AOPEP: variants seen among roughly 807,000 people sequenced by gnomAD.
AOPEP encodes aminopeptidase O.
AOPEP carries 77 observed loss-of-function variants against 98.1 expected under a neutral mutation model. The ratio of observed to expected loss-of-function variants is 0.78; its 90% CI spans 0.65 to 0.95. AOPEP has a LOEUF of 0.95. Ranked by LOEUF, AOPEP falls within the 40% of genes least tolerant of loss-of-function variation. AOPEP has a pLI of 0.00. For synonymous variants in AOPEP, 346 were observed against 365.3 expected, an observed-to-expected ratio of 0.95 and a Z score of 0.60; for missense variants, 1,024 against 1,024.7, an observed-to-expected ratio of 1.00 and a Z score of 0.01.
intron 11 of AOPEP, among the ~76,000 whole-genome samples, chr9:95,004,686 C>T (rs1180155730): frequency 6.7e-6 from 1 of 149,336 alleles, no homozygotes; most frequent in East Asian, 2.0e-4. Context: ...GCCGGGAAGC[C>T]GCTCGCAGGG....
the AOPEP span, chr9:95,101,695 C>T: frequency 1.2e-6 from 2 of 1,613,380 alleles, no homozygotes; most frequent in East Asian, 2.2e-5. Flanking sequence ...ACCCACACGG[C>T]CTGCGTGCCT....
intron 5 of AOPEP, among the ~76,000 whole-genome samples, chr9:94,917,048 C>T (rs1019875550): frequency 2.0e-5 from 3 of 151,658 alleles, no homozygotes; most frequent in Admixed American, 6.6e-5. Context: ...TGACCATAAC[C>T]GGCAGAACCT....
chr9:95,146,093 G>A, the AOPEP span, among the ~76,000 whole-genome samples: 1 of 152,150 alleles, frequency 6.6e-6, no homozygotes, highest in Non-Finnish European at 1.5e-5. Flanking sequence ...ATTTTAAGAT[G>A]TAATAATGGT....
chr9:94,933,501 A>C, intron 7 of AOPEP: 1 of 985,396 alleles, frequency 1.0e-6, no homozygotes, highest in African/African-American at 1.7e-5. Context: ...TGGAACTCTT[A>C]ATCTTAGCTG....
chr9:95,088,981 G>A (rs2070827856), downstream of AOPEP, among the ~76,000 whole-genome samples: 1 of 152,232 alleles, frequency 6.6e-6, no homozygotes, highest in African/African-American at 2.4e-5. Flanking sequence ...GCCCGTGCTG[G>A]GGCTGCCCCT....
intron 5 of AOPEP, among the ~76,000 whole-genome samples, chr9:94,834,444 AATT>A (rs1290287944): frequency 2.0e-5 from 3 of 152,152 alleles, no homozygotes; most frequent in African/African-American, 2.4e-5. Context: ...GATATTAAGG[AATT>A]ATTATATTAT....
intron 13 of AOPEP, among the ~76,000 whole-genome samples, chr9:95,043,541 G>T (rs1337235953): frequency 1.3e-5 from 2 of 152,140 alleles, no homozygotes; most frequent in Non-Finnish European, 2.9e-5. Context: ...GCTTTGTCTT[G>T]TGAAATTTTT....
At chr9:95,062,836 C>T (rs1224758554) in intron 14 of AOPEP, among the ~76,000 whole-genome samples, 1 of 152,156 alleles carries the variant, frequency 6.6e-6, no homozygotes, top group Admixed American at 6.5e-5. Context: ...GCCTGCATCA[C>T]GTGATGTGAA....
At chr9:95,089,558 G>A (rs545216598), downstream of AOPEP, among the ~76,000 whole-genome samples, 32 of 152,314 alleles carry the variant, frequency 2.1e-4, no homozygotes, top group East Asian at 5.4e-3. Flanking sequence ...TGGGCCCTTC[G>A]TTGACATCTG....
At chr9:95,055,529 C>G (rs1054690332) in intron 13 of AOPEP, among the ~76,000 whole-genome samples, 1 of 152,126 alleles carries the variant, frequency 6.6e-6, no homozygotes, top group Non-Finnish European at 1.5e-5. Context: ...TAAGTTCTGT[C>G]TCGTGTCCTG....
At chr9:94,775,859 G>A (rs1178474543) in intron 3 of AOPEP, among the ~76,000 whole-genome samples, 1 of 151,986 alleles carries the variant, frequency 6.6e-6, no homozygotes, top group African/African-American at 2.4e-5. Context: ...GGTGGCGGGC[G>A]CCTGTAATCC....
chr9:94,735,989 G>A (rs117000651), intron 1 of AOPEP, among the ~76,000 whole-genome samples: 2,318 of 152,264 alleles, frequency 0.015, 29 homozygotes, highest in Middle Eastern at 0.086. Flanking sequence ...GTGGCATGTC[G>A]GTACTTCAGT....
chr9:94,869,458 T>C (rs973404681), intron 5 of AOPEP, among the ~76,000 whole-genome samples: 2 of 152,162 alleles, frequency 1.3e-5, no homozygotes, highest in Admixed American at 6.5e-5. Context: ...AAAAATTTGT[T>C]TGGAGACTTG....
At chr9:95,132,810 A>T in the AOPEP span, among the ~76,000 whole-genome samples, 3 of 152,248 alleles carry the variant, frequency 2.0e-5, no homozygotes, top group Non-Finnish European at 4.4e-5. Context: ...TGGGAAGGTC[A>T]TTTCACTTTG....
intron 11 of AOPEP, among the ~76,000 whole-genome samples, chr9:95,004,549 T>C (rs2061791872): frequency 6.6e-6 from 1 of 152,030 alleles, no homozygotes; most frequent in South Asian, 2.1e-4. Flanking sequence ...AAAGTTACTT[T>C]CCCTGCGCGA....
chr9:94,959,297 C>T (rs1247715893), intron 9 of AOPEP, among the ~76,000 whole-genome samples: 1 of 152,104 alleles, frequency 6.6e-6, no homozygotes, highest in African/African-American at 2.4e-5. Context: ...CCCACCTCAG[C>T]CTCCCAAAAT....
chr9:94,926,953 C>T (rs534724002), intron 6 of AOPEP, among the ~76,000 whole-genome samples: 112 of 152,318 alleles, frequency 7.4e-4, no homozygotes, highest in African/African-American at 2.6e-3. Flanking sequence ...TAAATGCCTT[C>T]ACAGACATAT....
chr9:94,922,221 G>A lies in AOPEP; in HGVS notation c.1365-1765G>A, dbSNP rs72748599. Among the ~76,000 whole-genome samples, 799 of 152,346 alleles carry A rather than the reference G, an allele frequency of 5.2e-3. 13 individuals are homozygous for A. Among genetic ancestry groups the A allele is most frequent in the East Asian group, 0.043 (223 of 5,174 alleles). ...GAGGCTTCCACACTGGGACAGAAGA[G>A]CAGGCAGGTCCCCGGACAGTGGAGG... is the stretch of plus-strand genomic sequence containing the variant. On this transcript the variant is annotated intron_variant, in intron 5 of 16. Transcript: ENST00000375315.
intron 5 of AOPEP, among the ~76,000 whole-genome samples, chr9:94,911,392 A>G (rs2052012498): frequency 1.3e-5 from 2 of 152,362 alleles, no homozygotes; most frequent in South Asian, 4.1e-4. Flanking sequence ...GTCATTGTCT[A>G]ACCCAGATTT....
Sources: allele counts gnomAD v4.1 joint callset (sites outside exome capture counted in the v4.1 genomes callset), GRCh38; gene constraint gnomAD v4.1.1; transcripts MANE v1.5; gene names NCBI Gene and HGNC (gene_info 2026-07-23, HGNC 2026-07-21).